Variants in CLN6 observed in about 807,000 individuals in gnomAD.
CLN6 encodes ceroid-lipofuscinosis neuronal protein 6.
CLN6 carries 22 observed loss-of-function variants against 33.3 expected under a neutral mutation model. The ratio of observed to expected loss-of-function variants is 0.66; its 90% confidence interval spans 0.47 to 0.94. The LOEUF is 0.94. Ranked by LOEUF, CLN6 falls within the 40% of genes least tolerant of loss-of-function variation. The pLI, the probability that CLN6 is intolerant of heterozygous loss-of-function variation, is 0.00. For synonymous variants in CLN6, 201 were observed against 174.6 expected (o/e 1.15, Z -1.19); for missense variants, 387 against 417.1 (o/e 0.93, Z 0.63).
chr15:68,214,151 T>C (rs1214634495), intron 3 of CLN6, 139 bp downstream of exon 3: 1 of 709,746 alleles, frequency 1.4e-6, no homozygotes, highest in Non-Finnish European at 2.5e-6. Context: ...GCCCTGGACA[T>C]GCTGCTCTGT....
At chr15:68,234,568 C>G (rs1364955392), upstream of CLN6, among the ~76,000 whole-genome samples, 1 of 152,186 alleles carries the variant, frequency 6.6e-6, no homozygotes, top group African/African-American at 2.4e-5. This position sits in a 1 kb window ranked among gnomAD's most constrained non-coding sequence, Gnocchi z 4.1. Context: ...TGCCTAGAAG[C>G]CTGCTGTCCC....
At chr15:68,237,545 A>G (rs570250014) in intron 1 of CLN6, among the ~76,000 whole-genome samples, 11 of 152,312 alleles carry the variant, frequency 7.2e-5, no homozygotes, top group Admixed American at 6.5e-4. Flanking sequence ...AGGCTAAACT[A>G]TAGATTAAAT....
upstream of CLN6, chr15:68,229,804 C>T (rs970037782): frequency 3.0e-6 from 1 of 338,208 alleles, no homozygotes; most frequent in Non-Finnish European, 5.3e-6. Flanking sequence ...GGAGACGGGG[C>T]GGGCTCCGCT....
At chr15:68,224,948 G>A (rs1317301077) in intron 1 of CLN6, among the ~76,000 whole-genome samples, 1 of 152,052 alleles carries the variant, frequency 6.6e-6, no homozygotes, top group African/African-American at 2.4e-5. Context: ...ATGACACCAC[G>A]ACAGTTGAGG....
In CLN6 at chr15:68,209,332, C is replaced by T. The variant is rs1260805025; in HGVS notation, c.665+305G>A. 6.6e-6 allele frequency among the ~76,000 whole-genome samples: 1 copy of T among 152,202 alleles called. No homozygotes were observed. The highest frequency in any genetic ancestry group is 1.5e-5 in the Non-Finnish European group (1 of 68,036). On this transcript the variant is annotated intron_variant, in intron 6 of 6. Transcript: ENST00000249806. The surrounding 1 kb of genome is among the most constrained non-coding windows in gnomAD (Gnocchi z 4.9). ...TGGTGTCGGAGGTGGATTGTACCGG[C>T]CCCAGGGCAACACTGGGGTTCTTGA...
intron 1 of CLN6, 39 bp downstream of exon 1, chr15:68,229,463 A>G (rs1009096628): frequency 1.3e-5 from 18 of 1,420,228 alleles, no homozygotes; most frequent in Non-Finnish European, 1.6e-5. Flanking sequence ...CCCAGCGCAC[A>G]GGCGCCTAGC....
chr15:68,221,331 C>T (rs1389653906), intron 1 of CLN6, among the ~76,000 whole-genome samples: 1 of 151,806 alleles, frequency 6.6e-6, no homozygotes, highest in Non-Finnish European at 1.5e-5. Context: ...CCTCGGGCTC[C>T]CGTGATTCTC....
At chr15:68,218,205 C>G (rs2093225829) in intron 2 of CLN6, 1 of 320,836 alleles carries the variant, frequency 3.1e-6, no homozygotes, top group African/African-American at 2.1e-5. Flanking sequence ...TTTCCTATAC[C>G]CCTTTGTCTG....
rs1276533674 is a variant in CLN6 at position 68,246,824 on chromosome 15, C to G, written c.179+9866G>C. Among the ~76,000 whole-genome samples the G allele has an allele frequency of 6.6e-6, 1 of 152,006 alleles. No homozygotes were observed. Among genetic ancestry groups the G allele is most frequent in the African/African-American group, 2.4e-5 (1 of 41,340 alleles). Reference sequence around the variant, plus strand: ...ATAAACAAAATTAACAGACCATTAACTAGGCTAAGATAAAAGGAGAGAAGT... The same window carrying G: ...ATAAACAAAATTAACAGACCATTAAGTAGGCTAAGATAAAAGGAGAGAAGT... On this transcript the variant is annotated intron_variant, in intron 1 of 6. Coordinates refer to the CLN6 transcript ENST00000538696. This position sits in a 1 kb window ranked among gnomAD's most constrained non-coding sequence, Gnocchi z 4.5.
chr15:68,235,996 G>A (rs1386845047), intron 1 of CLN6, among the ~76,000 whole-genome samples: 1 of 152,060 alleles, frequency 6.6e-6, no homozygotes, highest in African/African-American at 2.4e-5. Flanking sequence ...TAAGCTTTTT[G>A]GTTATTGAAA....
rs2093230347 is a variant in CLN6, at chr15:68,219,754, A to G, written c.84-1104T>C. On this transcript the variant is annotated intron_variant, in intron 1 of 6. Transcript: ENST00000249806. This position sits in a 1 kb window ranked among gnomAD's most constrained non-coding sequence, Gnocchi z 4.2. ...CACCCACCTCCCTATCAGAGTCCAA[A>G]TCCTCTTTACAGAGTCCCTGCAATT... 6.6e-6 allele frequency among the ~76,000 whole-genome samples: 1 copy of G among 152,048 alleles called. No individual in the cohort carries two copies. The highest frequency in any genetic ancestry group is 1.5e-5 in the Non-Finnish European group (1 of 67,992).
chr15:68,248,065 C>A lies in CLN6; in HGVS notation c.179+8625G>T, dbSNP rs1003636142. 5.4e-5 allele frequency among the ~76,000 whole-genome samples: 8 copies of A among 149,338 alleles called. 1 individual carries two copies. Among genetic ancestry groups the A allele is most frequent in the Admixed American group, 4.7e-4 (7 of 15,022 alleles). On this transcript the variant is annotated intron_variant, in intron 1 of 6. Transcript: ENST00000538696. ...AAAAAGAACAAATCTGGAAGCATCA[C>A]ACTAACTGACTTCAAAATATACTAC...
chr15:68,254,495 T>C (rs535528396), intron 1 of CLN6: 19 of 337,356 alleles, frequency 5.6e-5, no homozygotes, highest in African/African-American at 1.1e-4. Context: ...GTCAAATGTC[T>C]CTTAATAAAT....
At chr15:68,214,619 A>G in intron 2 of CLN6, 4 of 508,400 alleles carry the variant, frequency 7.9e-6, no homozygotes, top group Non-Finnish European at 1.5e-5. Flanking sequence ...GTCCCCAGAC[A>G]CAGAGCAGAT....
intron 1 of CLN6, among the ~76,000 whole-genome samples, chr15:68,240,190 A>C (rs1247278178): frequency 6.6e-6 from 1 of 152,184 alleles, no homozygotes; most frequent in Non-Finnish European, 1.5e-5. Flanking sequence ...CTTCACTGTA[A>C]GAAGAAAAAA....
At chr15:68,245,793 T>A (rs1892324420) in intron 1 of CLN6, among the ~76,000 whole-genome samples, 1 of 152,046 alleles carries the variant, frequency 6.6e-6, no homozygotes, top group Non-Finnish European at 1.5e-5. Flanking sequence ...TATGTTATTA[T>A]CACATGAACA....
intron 1 of CLN6, among the ~76,000 whole-genome samples, chr15:68,244,099 A>T (rs1595830859): frequency 6.6e-6 from 1 of 151,020 alleles, no homozygotes; most frequent in East Asian, 1.9e-4. Context: ...AAACAAAAAA[A>T]AAACTAGCTT....
At position 68,211,146 on chromosome 15, in the gene CLN6, G is replaced by T; in HGVS notation, c.542+117C>A. On this transcript the variant is annotated intron_variant, in intron 5 of 6. Coordinates refer to ENST00000249806, the MANE Select transcript of CLN6 (RefSeq NM_017882.3). This position sits in a 1 kb window ranked among gnomAD's most constrained non-coding sequence, Gnocchi z 5.9. ...CTCACAGTGCCTTTACAGGGGATGA[G>T]ACTCAACACATGGAGACCCGCAGCC... is the stretch of plus-strand genomic sequence containing the variant. The T allele has an allele frequency of 1.1e-6, 1 of 889,768 alleles. No homozygotes were observed. Among genetic ancestry groups the T allele is most frequent in the Non-Finnish European group, 1.9e-6 (1 of 521,762 alleles). The allele number at this position is 889,768 out of a possible 1,614,324, so 55.1% of individuals were successfully genotyped here.
rs922791164 is a variant in CLN6, at chr15:68,227,036, CTTTT to C, written c.83+2462_83+2465del. On this transcript the variant is annotated intron_variant, in intron 1 of 6. Transcript: ENST00000249806. The surrounding 1 kb of genome is among the most constrained non-coding windows in gnomAD (Gnocchi z 4.1). ...TAATTATAATACTTTCTTTTCTTTT[CTTTT>C]TTTACTTTTTTTTTTTTTTGAGACA... Among the ~76,000 whole-genome samples the C allele has an allele frequency of 5.3e-5, 8 of 150,408 alleles. No individual in the cohort carries two copies. The highest frequency in any genetic ancestry group is 2.0e-4 in the African/African-American group (8 of 40,992).
Sources: allele counts gnomAD v4.1 joint callset (sites outside exome capture counted in the v4.1 genomes callset), GRCh38; gene constraint gnomAD v4.1.1; non-coding constraint Gnocchi (gnomAD v3.1); transcripts MANE v1.5; gene names NCBI Gene and HGNC (gene_info 2026-07-23, HGNC 2026-07-21).